PTDSS1: variants seen among roughly 807,000 people sequenced by gnomAD.
PTDSS1 encodes the protein phosphatidylserine synthase 1.
Under a neutral mutation model 70.5 loss-of-function variants are expected in PTDSS1, and 45 were observed. The observed-to-expected ratio is 0.64, with a 90% CI of 0.50 to 0.82. The LOEUF is 0.82. PTDSS1 is among the 40% of genes least tolerant of loss of function. The probability of loss-of-function intolerance (pLI) is 0.00; values close to 1 mark genes in which losing one functional copy is unlikely to be tolerated. For synonymous variants in PTDSS1, 188 were observed against 203.8 expected, an observed-to-expected ratio of 0.92 and a Z score of 0.66; for missense variants, 417 against 586.1, an observed-to-expected ratio of 0.71 and a Z score of 2.98.
intron 9 of PTDSS1, among the ~76,000 whole-genome samples, chr8:96,318,637 T>C (rs1308880924): frequency 6.6e-6 from 1 of 152,232 alleles, no homozygotes; most frequent in Non-Finnish European, 1.5e-5. Context: ...ACATGTGACA[T>C]GCTTTGTGGA....
chr8:96,271,829 CTG>C (rs1408627321), intron 1 of PTDSS1, among the ~76,000 whole-genome samples: 1 of 152,162 alleles, frequency 6.6e-6, no homozygotes, highest in Non-Finnish European at 1.5e-5. Flanking sequence ...ATTTTTTACT[CTG>C]TGAACAAACC....
chr8:96,289,471 G>A (rs1466372240), intron 4 of PTDSS1, among the ~76,000 whole-genome samples: 1 of 152,200 alleles, frequency 6.6e-6, no homozygotes, highest in Non-Finnish European at 1.5e-5. Context: ...GATGCACCTG[G>A]CACCCCTATT....
At chr8:96,284,328 G>A (rs1810791266) in intron 3 of PTDSS1, among the ~76,000 whole-genome samples, 175 bp downstream of exon 3, 1 of 152,204 alleles carries the variant, frequency 6.6e-6, no homozygotes, top group Non-Finnish European at 1.5e-5. Context: ...AAAATAAAGT[G>A]TTGAGGATGA....
At chr8:96,324,208 G>A (rs911292402) in intron 10 of PTDSS1, among the ~76,000 whole-genome samples, 1 of 152,158 alleles carries the variant, frequency 6.6e-6, no homozygotes, top group Non-Finnish European at 1.5e-5. Context: ...GAACGCTTAA[G>A]TAATCTCTAA....
intron 4 of PTDSS1, among the ~76,000 whole-genome samples, chr8:96,287,547 C>T (rs760408575): frequency 1.0e-4 from 15 of 150,746 alleles, no homozygotes; most frequent in African/African-American, 1.9e-4. Flanking sequence ...GGGCCTACTG[C>T]GAGGTCTGCC....
rs569975997 is a variant in PTDSS1 at position 96,297,176 on chromosome 8, T to C, written c.600+1920T>C. Among the ~76,000 whole-genome samples the C allele has an allele frequency of 1.6e-4, 25 of 152,264 alleles. No individual in the cohort carries two copies. The South Asian group carries it at 4.8e-3, about 29-fold the overall frequency. ...CCTACTCAGAGCTCTTTAGTGTTTG[T>C]CCATTACTCTGTTTTTTTTTGAGAC... On this transcript the variant is annotated intron_variant, in intron 5 of 12. Transcript: ENST00000517309.
chr8:96,309,849 A>G (rs1335398092), intron 9 of PTDSS1, among the ~76,000 whole-genome samples: 1 of 152,150 alleles, frequency 6.6e-6, no homozygotes, highest in Non-Finnish European at 1.5e-5. Context: ...GCAAATTATA[A>G]AACAAGAGTA....
In PTDSS1 at chr8:96,309,608, A is replaced by G. The variant is rs896011966; in HGVS notation, c.1059A>G (p.Gln353=). ...CACAGTGCAAGCGCGTAGGAACACA[A>G]TGCTGGGTGTTTGGGTGAGTAATCT... ...TDTQCKRVGT[Q]CWVFGVIGFL... The change falls in exon 9 of 13, where the codon CAA becomes CAG. Residue 353 remains glutamine, a synonymous_variant. Coordinates refer to ENST00000517309, the MANE Select transcript of PTDSS1 (RefSeq NM_014754.3). 3.7e-6 allele frequency: 6 copies of G among 1,613,984 alleles called. No homozygotes were observed. Among genetic ancestry groups the G allele is most frequent in the South Asian group, 1.1e-5 (1 of 91,056 alleles).
intron 2 of PTDSS1, among the ~76,000 whole-genome samples, chr8:96,276,586 T>C (rs1457098319): frequency 6.6e-6 from 1 of 152,182 alleles, no homozygotes; most frequent in Non-Finnish European, 1.5e-5. Flanking sequence ...CAGCCTTTGA[T>C]GTCAGCCTGT....
intron 8 of PTDSS1, chr8:96,309,258 G>A (rs1219040593): frequency 2.8e-5 from 4 of 144,492 alleles, no homozygotes; most frequent in South Asian, 2.7e-4. Context: ...AGTGGAAAAG[G>A]AACAAAGAAA....
rs533578612 is a variant in PTDSS1, at chr8:96,315,385, C to A, written c.1074-4861C>A. On this transcript the variant is annotated intron_variant, in intron 9 of 12. Coordinates refer to ENST00000517309, the MANE Select transcript of PTDSS1 (RefSeq NM_014754.3). ...CCCGGCCTCCATGTCCATGGCATTC[C>A]TGTGGCATCCTCAGAATCCACGTGC... Among the ~76,000 whole-genome samples, 3 of 152,308 alleles carry A rather than the reference C, an allele frequency of 2.0e-5. No homozygotes were observed. The East Asian group carries it at 5.8e-4, about 29-fold the overall frequency.
intron 10 of PTDSS1, among the ~76,000 whole-genome samples, chr8:96,327,192 G>C (rs184524849): frequency 6.6e-6 from 1 of 152,162 alleles, no homozygotes; most frequent in South Asian, 2.1e-4. Flanking sequence ...TACTTGGGAG[G>C]AGCCCATGTG....
chr8:96,267,548 A>ACGAGATT (rs1810505638), intron 1 of PTDSS1, among the ~76,000 whole-genome samples: 1 of 152,202 alleles, frequency 6.6e-6, no homozygotes, highest in Non-Finnish European at 1.5e-5. Flanking sequence ...TATCTAATAA[A>ACGAGATT]TACTTTAAAA....
At chr8:96,291,513 A>G (rs1810904214) in intron 4 of PTDSS1, among the ~76,000 whole-genome samples, 1 of 149,720 alleles carries the variant, frequency 6.7e-6, no homozygotes, top group South Asian at 2.1e-4. Context: ...GAGTGTTGAC[A>G]TTTCTGCAGT....
At chr8:96,323,653 A>T (rs1366164451) in intron 10 of PTDSS1, among the ~76,000 whole-genome samples, 3 of 152,142 alleles carry the variant, frequency 2.0e-5, no homozygotes, top group Non-Finnish European at 2.9e-5. Flanking sequence ...ACCGAAAACC[A>T]TTCTGCCCTC....
In PTDSS1 at chr8:96,304,132, C is replaced by A. The variant is rs1249447586; in HGVS notation, c.845C>A (p.Ser282Tyr). 1 of 1,614,036 alleles carries A rather than the reference C, an allele frequency of 6.2e-7. No individual in the cohort carries two copies. Reference protein sequence around the residue: ...WTYVRWFDPKSSFQRVAGVYL... With the variant: ...WTYVRWFDPKYSFQRVAGVYL... ...TATGTTCGATGGTTTGACCCCAAAT[C>A]TTCTTTTCAGAGAGTAGCTGGAGTG... The change falls in exon 7 of 13, where the codon TCT becomes TAT. Residue 282 changes from serine to tyrosine, a missense_variant. Ser to Tyr is a moderately radical substitution (Grantham distance 144). Around this residue, in one of 3 missense-constraint regions of PTDSS1, gnomAD observed 272 missense variants for 429.5 expected, o/e 0.63. Coordinates refer to ENST00000517309, the MANE Select transcript of PTDSS1 (RefSeq NM_014754.3).
chr8:96,287,000 A>G, intron 3 of PTDSS1, 22 bp from the exon 4 acceptor site: 1 of 1,613,368 alleles, frequency 6.2e-7, no homozygotes, highest in South Asian at 1.1e-5. Flanking sequence ...TCTAAACTTC[A>G]GCATGTTTTT....
chr8:96,311,175 GT>G (rs1226335571), intron 9 of PTDSS1, among the ~76,000 whole-genome samples: 1 of 152,190 alleles, frequency 6.6e-6, no homozygotes, highest in Non-Finnish European at 1.5e-5. Flanking sequence ...TCTCAAGTAA[GT>G]TGTTTTTCTA....
At chr8:96,303,028 G>T (rs753017449) in intron 6 of PTDSS1, among the ~76,000 whole-genome samples, 4 of 152,078 alleles carry the variant, frequency 2.6e-5, no homozygotes, top group South Asian at 2.1e-4. Context: ...CCTATTGGTG[G>T]TTTTTTTAAA....
Sources: allele counts gnomAD v4.1 joint callset (sites outside exome capture counted in the v4.1 genomes callset), GRCh38; gene constraint gnomAD v4.1.1; regional missense constraint gnomAD v4.1.1; transcripts MANE v1.5; gene names NCBI Gene and HGNC (gene_info 2026-07-23, HGNC 2026-07-21).